GXYLT2: variants seen among roughly 807,000 people sequenced by gnomAD.
The protein encoded by GXYLT2 is glucoside xylosyltransferase 2.
A neutral mutation model predicts 45.8 loss-of-function variants in GXYLT2; 53 were observed. The observed-to-expected ratio is 1.16, with a 90% CI of 0.93 to 1.46. GXYLT2 has a LOEUF of 1.46. Among genes scored for constraint, GXYLT2 ranks in the 40% most tolerant of loss-of-function variants. The pLI is 0.00. For synonymous variants in GXYLT2, 219 were observed against 214.2 expected, an observed-to-expected ratio of 1.02 and a Z score of -0.19; for missense variants, 551 against 544.4, an observed-to-expected ratio of 1.01 and a Z score of -0.12.
At chr3:72,890,399 A>C (rs1709160228) in intron 1 of GXYLT2, among the ~76,000 whole-genome samples, 1 of 152,228 alleles carries the variant, frequency 6.6e-6, no homozygotes, top group African/African-American at 2.4e-5. Flanking sequence ...TGCACAACAA[A>C]GTTTGAGAAC....
At chr3:72,949,514 T>G (rs1476834730) in intron 3 of GXYLT2, among the ~76,000 whole-genome samples, 5 of 126,008 alleles carry the variant, frequency 4.0e-5, no homozygotes, top group Non-Finnish European at 8.3e-5. Context: ...TTTTTTTTTT[T>G]TTTTTTTTTT....
chr3:72,961,119 G>A (rs566570523), intron 5 of GXYLT2, among the ~76,000 whole-genome samples: 3 of 152,160 alleles, frequency 2.0e-5, no homozygotes, highest in East Asian at 1.9e-4. Context: ...TAGCTGAAAC[G>A]CGTGGGGGCT....
intron 3 of GXYLT2, among the ~76,000 whole-genome samples, chr3:72,946,618 G>C (rs1710412703): frequency 6.6e-6 from 1 of 152,142 alleles, no homozygotes; most frequent in Non-Finnish European, 1.5e-5. Flanking sequence ...GAAGGGGTGA[G>C]AGAGCTCTCC....
At chr3:72,926,708 T>C (rs1376599601) in intron 3 of GXYLT2, among the ~76,000 whole-genome samples, 1 of 152,182 alleles carries the variant, frequency 6.6e-6, no homozygotes, top group Non-Finnish European at 1.5e-5. Flanking sequence ...CCTCAATAAC[T>C]GTGGTCTTCT....
At position 72,888,468 on chromosome 3, in the gene GXYLT2, G is replaced by C. The variant is rs1267344703; in HGVS notation, c.235G>C (p.Ala79Pro). 1 of 1,247,364 alleles carries C rather than the reference G, an allele frequency of 8.0e-7. No homozygotes were observed. Among genetic ancestry groups the C allele is most frequent in the Non-Finnish European group, 1.0e-6 (1 of 991,730 alleles). The allele number at this position is 1,247,364 out of a possible 1,614,324, so 77.3% of individuals were successfully genotyped here. The change falls in exon 1 of 7, where the codon GCG becomes CCG. Residue 79 changes from alanine to proline, a missense_variant. By Grantham distance (27) the Ala-to-Pro change is conservative (BLOSUM62 -1). Transcript: ENST00000389617. ...CCGGCCCCCGCGTCCGCGCCCCCGA[G>C]CGGGCCGCCGGGGCGCTGCGAGACT... ...RRRPPRPRPR[A>P]GRRGAARLEK...
intron 1 of GXYLT2, among the ~76,000 whole-genome samples, chr3:72,900,563 C>T (rs550890956): frequency 2.7e-4 from 41 of 152,088 alleles, no homozygotes; most frequent in Admixed American, 1.0e-3. Context: ...TACAAGCACC[C>T]GCAACCACAC....
At chr3:72,963,038 G>T (rs1025108013) in intron 5 of GXYLT2, among the ~76,000 whole-genome samples, 1 of 152,010 alleles carries the variant, frequency 6.6e-6, no homozygotes, top group Non-Finnish European at 1.5e-5. Context: ...GAGGCCGGGT[G>T]TGGGAGCTTA....
chr3:72,947,949 C>A (rs1013411355), intron 3 of GXYLT2, among the ~76,000 whole-genome samples: 3 of 152,116 alleles, frequency 2.0e-5, no homozygotes, highest in African/African-American at 4.8e-5. Flanking sequence ...GAAGGCGTAA[C>A]CATCTCAAAT....
chr3:72,906,572 G>T (rs995886948), intron 1 of GXYLT2, among the ~76,000 whole-genome samples: 1 of 150,738 alleles, frequency 6.6e-6, no homozygotes, highest in African/African-American at 2.5e-5. Flanking sequence ...CCTGCAGAAC[G>T]TAAGTTCTTC....
At chr3:72,954,732 C>T (rs1309037349) in intron 3 of GXYLT2, among the ~76,000 whole-genome samples, 2 of 151,920 alleles carry the variant, frequency 1.3e-5, no homozygotes, top group Non-Finnish European at 2.9e-5. Context: ...CAAGGAAAAC[C>T]TAAGAGAGAA....
In GXYLT2 at chr3:72,954,804, C is replaced by G. The variant is rs10222350; in HGVS notation, c.601-294C>G. Among the ~76,000 whole-genome samples the G allele has an allele frequency of 8.0e-3, 1,211 of 151,874 alleles. 18 individuals carry two copies. Among genetic ancestry groups the G allele is most frequent in the African/African-American group, 0.028 (1,141 of 41,454 alleles). Reference sequence around the variant, plus strand: ...AGCCACAATAATTTGCTGATGTTTTCTTTTTTTTGTAAGTTCAACCCTTAT... The same window carrying G: ...AGCCACAATAATTTGCTGATGTTTTGTTTTTTTTGTAAGTTCAACCCTTAT... On this transcript the variant is annotated intron_variant, in intron 3 of 6. Coordinates refer to ENST00000389617, the MANE Select transcript of GXYLT2 (RefSeq NM_001080393.2).
At chr3:72,954,299 G>T (rs910118002) in intron 3 of GXYLT2, among the ~76,000 whole-genome samples, 5 of 151,342 alleles carry the variant, frequency 3.3e-5, no homozygotes, top group African/African-American at 9.7e-5. Context: ...GTAGAGACAG[G>T]GTTTCAACAT....
At chr3:72,903,966 A>C (rs1220211406) in intron 1 of GXYLT2, among the ~76,000 whole-genome samples, 2 of 152,198 alleles carry the variant, frequency 1.3e-5, no homozygotes, top group African/African-American at 4.8e-5. Flanking sequence ...GTATCACCAG[A>C]GATCTGCCCT....
chr3:72,974,553 G>C (rs552909737), intron 6 of GXYLT2, among the ~76,000 whole-genome samples: 1 of 152,252 alleles, frequency 6.6e-6, no homozygotes, highest in African/African-American at 2.4e-5. Flanking sequence ...CCTGTCCTTA[G>C]AGACATGCAT....
At chr3:72,930,592 C>CTTTTTTT (rs71126806) in intron 3 of GXYLT2, among the ~76,000 whole-genome samples, 12 of 101,612 alleles carry the variant, frequency 1.2e-4, no homozygotes, top group Non-Finnish European at 1.5e-4. Flanking sequence ...TCTTCTTCTT[C>CTTTTTTT]TTTTTTTTTT....
chr3:72,967,211 A>T (rs1326798681), intron 5 of GXYLT2, among the ~76,000 whole-genome samples: 1 of 152,234 alleles, frequency 6.6e-6, no homozygotes, highest in African/African-American at 2.4e-5. Flanking sequence ...GAAGTACAGG[A>T]AGTTAAGTGA....
chr3:72,957,737 G>C (rs13060181), intron 5 of GXYLT2, among the ~76,000 whole-genome samples: 11,125 of 152,098 alleles, frequency 0.073, 436 homozygotes, highest in Admixed American at 0.099. Context: ...TGATTCTCAG[G>C]GTCCTTGGAG....
At chr3:72,897,016 A>G (rs1337853446) in intron 1 of GXYLT2, among the ~76,000 whole-genome samples, 1 of 152,218 alleles carries the variant, frequency 6.6e-6, no homozygotes, top group Non-Finnish European at 1.5e-5. Context: ...TGTCATGTTA[A>G]TAGTAATAAT....
chr3:72,943,577 A>G (rs1222763205), intron 3 of GXYLT2, among the ~76,000 whole-genome samples: 2 of 151,852 alleles, frequency 1.3e-5, no homozygotes, highest in African/African-American at 2.4e-5. Context: ...GGGTTTCACC[A>G]TGTTGCCCAG....
Sources: gnomAD v4.1 joint callset for allele counts (sites outside exome capture counted in the v4.1 genomes callset) on GRCh38, gnomAD v4.1.1 for gene constraint, MANE v1.5 for transcripts, NCBI Gene and HGNC (gene_info 2026-07-23, HGNC 2026-07-21) for gene names.